The following AGBL4 variants were observed in gnomAD, a reference collection of about 807,000 sequenced individuals.
The protein encoded by AGBL4 is AGBL carboxypeptidase 4.
In AGBL4, 58 loss-of-function variants were observed where a neutral mutation model predicts 66.4. The observed-to-expected ratio is 0.87, with a 90% CI of 0.71 to 1.09. The LOEUF (loss-of-function observed/expected upper bound fraction) is 1.09. Ranked by LOEUF, AGBL4 falls within the 50% of genes least tolerant of loss-of-function variation. The pLI is 0.00. For synonymous variants in AGBL4, 234 were observed against 222.9 expected (o/e 1.05, Z -0.44); for missense variants, 579 against 631.0 (o/e 0.92, Z 0.88).
intron 3 of AGBL4, among the ~76,000 whole-genome samples, chr1:49,554,345 T>C (rs759190524): frequency 1.1e-4 from 17 of 152,222 alleles, no homozygotes; most frequent in Non-Finnish European, 2.2e-4. Context: ...AGTCTGAGTT[T>C]CTCAGGAAGA....
intron 8 of AGBL4, among the ~76,000 whole-genome samples, chr1:48,642,370 T>C (rs1211055301): frequency 6.6e-6 from 1 of 152,190 alleles, no homozygotes; most frequent in African/African-American, 2.4e-5. Context: ...TAGTGGGTAA[T>C]GAGAGGCTTT....
intron 3 of AGBL4, among the ~76,000 whole-genome samples, chr1:49,339,384 T>A (rs921939180): frequency 3.9e-5 from 6 of 152,170 alleles, no homozygotes; most frequent in Admixed American, 3.3e-4. Flanking sequence ...TGAGATAATG[T>A]TTTTCGTGGA....
intron 9 of AGBL4, among the ~76,000 whole-genome samples, chr1:48,596,306 T>C (rs185063206): frequency 2.6e-5 from 4 of 152,268 alleles, no homozygotes; most frequent in African/African-American, 9.6e-5. Flanking sequence ...CAAAAAGGCA[T>C]TGAGGTATGT....
intron 8 of AGBL4, among the ~76,000 whole-genome samples, chr1:48,645,924 T>C (rs988220736): frequency 6.6e-6 from 1 of 152,064 alleles, no homozygotes; most frequent in East Asian, 1.9e-4. Context: ...GCTTTGGGGA[T>C]GTTTGGCCTG....
At chr1:49,231,949 C>A (rs1031085885) in intron 4 of AGBL4, among the ~76,000 whole-genome samples, 7 of 152,098 alleles carry the variant, frequency 4.6e-5, no homozygotes, top group Non-Finnish European at 8.8e-5. Context: ...GTGTTCTGAG[C>A]ACATTACTGT....
intron 4 of AGBL4, among the ~76,000 whole-genome samples, chr1:49,220,250 G>A (rs1430598641): frequency 6.6e-6 from 1 of 152,202 alleles, no homozygotes; most frequent in East Asian, 1.9e-4. Context: ...GCTTTTGCAG[G>A]TCACTGCTTT....
At chr1:48,669,642 C>T (rs1392309528) in intron 6 of AGBL4, among the ~76,000 whole-genome samples, 2 of 152,160 alleles carry the variant, frequency 1.3e-5, no homozygotes, top group Non-Finnish European at 2.9e-5. Context: ...TATATATTTT[C>T]CTAACTCCTC....
chr1:49,286,853 G>A (rs1257474398), intron 3 of AGBL4, among the ~76,000 whole-genome samples: 9 of 152,080 alleles, frequency 5.9e-5, no homozygotes, highest in South Asian at 2.1e-4. Flanking sequence ...ACAGAATTGG[G>A]AAAAACTACT....
At chr1:49,535,325 A>T (rs934625653) in intron 3 of AGBL4, among the ~76,000 whole-genome samples, 5 of 148,448 alleles carry the variant, frequency 3.4e-5, no homozygotes, top group Non-Finnish European at 1.5e-5. Flanking sequence ...ATATTAATAT[A>T]ATATAATATG....
chr1:48,733,149 T>C (rs759950955), intron 6 of AGBL4, among the ~76,000 whole-genome samples: 1 of 152,110 alleles, frequency 6.6e-6, no homozygotes, highest in Non-Finnish European at 1.5e-5. Flanking sequence ...GGAGATATGA[T>C]AGCAGCTGGG....
chr1:48,848,762 T>C (rs1362096392), intron 6 of AGBL4, among the ~76,000 whole-genome samples: 1 of 152,108 alleles, frequency 6.6e-6, no homozygotes, highest in African/African-American at 2.4e-5. Flanking sequence ...GCACACTCAT[T>C]ATAGGAGTAC....
intron 3 of AGBL4, among the ~76,000 whole-genome samples, chr1:49,357,840 T>C (rs575111447): frequency 3.2e-4 from 48 of 152,136 alleles, no homozygotes; most frequent in Non-Finnish European, 6.2e-4. Flanking sequence ...TCTTTCTACT[T>C]CCTCCATCTC....
In AGBL4 at chr1:48,964,736, A is replaced by AATAC. The variant is rs549304007; in HGVS notation, c.594+80844_594+80847dup. 4.4e-3 allele frequency among the ~76,000 whole-genome samples: 670 copies of AATAC among 152,120 alleles called. 1 individual carries two copies. The highest frequency in any genetic ancestry group is 7.1e-3 in the African/African-American group (293 of 41,504). On this transcript the variant is annotated intron_variant, in intron 5 of 13. Transcript: ENST00000371839. ...TGCCTCTCCAAAGTGAAAATAAATA[A>AATAC]ATACATACATACATACATACATACA... is the stretch of plus-strand genomic sequence containing the variant.
intron 6 of AGBL4, among the ~76,000 whole-genome samples, chr1:48,787,300 G>A (rs1185544435): frequency 6.6e-6 from 1 of 152,104 alleles, no homozygotes; most frequent in Non-Finnish European, 1.5e-5. Flanking sequence ...GTTCTCCAGG[G>A]ATGTCCAGAT....
intron 6 of AGBL4, among the ~76,000 whole-genome samples, chr1:48,788,202 C>G (rs1461598559): frequency 6.6e-6 from 1 of 152,216 alleles, no homozygotes. Context: ...GCCTGGCAGG[C>G]ACAGTGCCTG....
intron 1 of AGBL4, among the ~76,000 whole-genome samples, chr1:50,000,628 T>C (rs1660678354): frequency 6.6e-6 from 1 of 152,124 alleles, no homozygotes; most frequent in Non-Finnish European, 1.5e-5. Flanking sequence ...ACAGGCACGT[T>C]TATAGCAACA....
intron 3 of AGBL4, among the ~76,000 whole-genome samples, chr1:49,555,853 G>A (rs544929831): frequency 6.6e-6 from 1 of 152,184 alleles, no homozygotes; most frequent in South Asian, 2.1e-4. Context: ...CAGTTAGAAT[G>A]GACATCATTA....
At chr1:48,744,656 TTCTC>T (rs1650446743) in intron 6 of AGBL4, among the ~76,000 whole-genome samples, 2 of 152,312 alleles carry the variant, frequency 1.3e-5, no homozygotes, top group East Asian at 3.9e-4. Flanking sequence ...CTTCAGTTGA[TTCTC>T]TCCCATCCAT....
intron 3 of AGBL4, among the ~76,000 whole-genome samples, chr1:49,367,540 T>C (rs1428754565): frequency 6.6e-6 from 1 of 152,142 alleles, no homozygotes; most frequent in Non-Finnish European, 1.5e-5. Flanking sequence ...CAGCCTCAGG[T>C]ATCCCTTTAT....
Sources: allele counts gnomAD v4.1 joint callset (sites outside exome capture counted in the v4.1 genomes callset), GRCh38; gene constraint gnomAD v4.1.1; transcripts MANE v1.5; gene names NCBI Gene and HGNC (gene_info 2026-07-23, HGNC 2026-07-21).